PDCD6IP: variants seen among roughly 807,000 people sequenced by gnomAD.
The protein encoded by PDCD6IP is programmed cell death 6-interacting protein.
In PDCD6IP, 43 loss-of-function variants were observed where a neutral mutation model predicts 103.7. The observed-to-expected ratio is 0.41, with a 90% CI of 0.32 to 0.53. The LOEUF (loss-of-function observed/expected upper bound fraction) is 0.53, where lower values mean the gene tolerates loss of function less well. Among genes scored for constraint, PDCD6IP ranks in the 20% least tolerant of loss-of-function variants. The probability of loss-of-function intolerance (pLI) is 0.16; values close to 1 mark genes in which losing one functional copy is unlikely to be tolerated. For missense variants in PDCD6IP, 871 were observed against 1,036.7 expected, an observed-to-expected ratio of 0.84 and a Z score of 2.20; for synonymous variants, 354 against 378.7, an observed-to-expected ratio of 0.93 and a Z score of 0.76.
rs1698093688 is a variant in PDCD6IP at position 33,867,606 on chromosome 3, A to T, written c.*1081A>T. ...AAAACAATGGTTGGGAACATATGCC[A>T]ATTATGGAATAGGCTATGTATTTAA... is the stretch of plus-strand genomic sequence containing the variant. On this transcript the variant is annotated 3_prime_UTR_variant, in exon 18 of 18. Coordinates refer to ENST00000307296, the MANE Select transcript of PDCD6IP (RefSeq NM_013374.6). 6.6e-6 allele frequency: 1 copy of T among 152,208 alleles called. No individual in the cohort carries two copies. The highest frequency in any genetic ancestry group is 2.1e-4 in the South Asian group (1 of 4,832). The allele number at this position is 152,208 out of a possible 1,614,324, so 9.4% of individuals were successfully genotyped here. A position where few individuals can be genotyped will look rare whatever the true frequency, so the allele number is the denominator to read the frequency against.
At chr3:33,801,540 C>G (rs1278833558) in intron 1 of PDCD6IP, among the ~76,000 whole-genome samples, 1 of 152,114 alleles carries the variant, frequency 6.6e-6, no homozygotes, top group East Asian at 1.9e-4. Context: ...GTAGCATGCA[C>G]TCATAATTCC....
chr3:33,830,869 C>G (rs941604689), intron 7 of PDCD6IP, among the ~76,000 whole-genome samples: 1 of 152,120 alleles, frequency 6.6e-6, no homozygotes, highest in Non-Finnish European at 1.5e-5. Flanking sequence ...TGTAGTTTCT[C>G]ACTTAGTAGA....
chr3:33,832,032 A>G (rs1697255138), intron 7 of PDCD6IP, among the ~76,000 whole-genome samples: 1 of 152,200 alleles, frequency 6.6e-6, no homozygotes, highest in African/African-American at 2.4e-5. Flanking sequence ...ACAGTAAAAA[A>G]TCACGTACAC....
In PDCD6IP at chr3:33,847,669, T is replaced by C. The variant is rs575150958; in HGVS notation, c.1641+2081T>C. The stretch of plus-strand genomic sequence containing the variant: ...TTTTATTGTGAAGAAGCCTACTGTC[T>C]GGTTACTTATTTTCAGTCTCTTTGG... On this transcript the variant is annotated intron_variant, in intron 12 of 17. Coordinates refer to ENST00000307296, the MANE Select transcript of PDCD6IP (RefSeq NM_013374.6). Among the ~76,000 whole-genome samples the C allele has an allele frequency of 5.9e-5, 9 of 152,362 alleles. No individual in the cohort carries two copies. In the South Asian group the frequency reaches 1.4e-3, roughly 25 times the overall value.
At chr3:33,803,056 T>A (rs2125540361) in intron 1 of PDCD6IP, among the ~76,000 whole-genome samples, 1 of 152,366 alleles carries the variant, frequency 6.6e-6, no homozygotes, top group East Asian at 1.9e-4. Context: ...TAAATTTTGT[T>A]GAAACCTCTT....
At chr3:33,812,175 C>T (rs763898844) in intron 2 of PDCD6IP, 49 bp downstream of exon 2, 1 of 1,564,386 alleles carries the variant, frequency 6.4e-7, no homozygotes, top group Non-Finnish European at 8.6e-7. Context: ...GCACCCATTT[C>T]CTTCTGCCAA....
chr3:33,827,919 A>G (rs1449066468), intron 6 of PDCD6IP: 1 of 152,216 alleles, frequency 6.6e-6, no homozygotes, highest in African/African-American at 2.4e-5. Context: ...TGATCCAGGA[A>G]GGTAGGAAAT....
At chr3:33,815,997 CT>C (rs1696841111) in intron 3 of PDCD6IP, among the ~76,000 whole-genome samples, 1 of 152,114 alleles carries the variant, frequency 6.6e-6, no homozygotes, top group Non-Finnish European at 1.5e-5. Context: ...TGAGAAAAAG[CT>C]TTCATATCTT....
chr3:33,839,236 C>T (rs779123616), intron 9 of PDCD6IP, among the ~76,000 whole-genome samples: 2 of 152,204 alleles, frequency 1.3e-5, no homozygotes, highest in African/African-American at 4.8e-5. Context: ...AGCCCCTGGC[C>T]GCTATTGATC....
chr3:33,841,359 T>C (rs1046242264), intron 9 of PDCD6IP, among the ~76,000 whole-genome samples: 2 of 151,660 alleles, frequency 1.3e-5, no homozygotes, highest in Non-Finnish European at 2.9e-5. Flanking sequence ...AATTGTGGGC[T>C]TCATTTTTTA....
At chr3:33,863,259 A>G (rs1420297597) in intron 15 of PDCD6IP, among the ~76,000 whole-genome samples, 3 of 152,186 alleles carry the variant, frequency 2.0e-5, no homozygotes, top group Non-Finnish European at 4.4e-5. Flanking sequence ...TTCATCTCAA[A>G]CGTTTATCAT....
intron 9 of PDCD6IP, among the ~76,000 whole-genome samples, chr3:33,841,273 C>A (rs1697463634): frequency 6.6e-6 from 1 of 151,764 alleles, no homozygotes; most frequent in Non-Finnish European, 1.5e-5. Flanking sequence ...GGTGATCCAC[C>A]CGTCTGGGCC....
intron 1 of PDCD6IP, among the ~76,000 whole-genome samples, chr3:33,801,964 A>G (rs139999715): frequency 8.5e-5 from 13 of 152,254 alleles, no homozygotes; most frequent in East Asian, 1.9e-4. Flanking sequence ...AGGTACATCT[A>G]TTTTTAGTAT....
At chr3:33,852,925 CTT>C (rs200568485) in intron 13 of PDCD6IP, among the ~76,000 whole-genome samples, 189 bp downstream of exon 13, 12 of 119,616 alleles carry the variant, frequency 1.0e-4, no homozygotes, top group Admixed American at 1.7e-4. Flanking sequence ...AAAGTCACTT[CTT>C]TTTTTTTTTT....
chr3:33,809,892 A>T (rs569642016), intron 1 of PDCD6IP, among the ~76,000 whole-genome samples: 1 of 152,310 alleles, frequency 6.6e-6, no homozygotes, highest in Admixed American at 6.5e-5. Context: ...GCATTTTTGC[A>T]TAGGAGTACC....
At chr3:33,802,504 T>C (rs1354142891) in intron 1 of PDCD6IP, among the ~76,000 whole-genome samples, 1 of 152,022 alleles carries the variant, frequency 6.6e-6, no homozygotes, top group South Asian at 2.1e-4. Context: ...TTTTTTTTTT[T>C]TTGAGGTGGA....
At chr3:33,803,375 C>T (rs967995738) in intron 1 of PDCD6IP, among the ~76,000 whole-genome samples, 2 of 152,158 alleles carry the variant, frequency 1.3e-5, no homozygotes, top group Admixed American at 1.3e-4. Context: ...CTTTAGTTTG[C>T]ATTCCTCTTA....
rs1698043548 is a variant in PDCD6IP, at chr3:33,865,423, T to C, written c.2425T>C (p.Tyr809His). 1 of 1,586,198 alleles carries C rather than the reference T, an allele frequency of 6.3e-7. No homozygotes were observed. Among genetic ancestry groups the C allele is most frequent in the Non-Finnish European group, 8.6e-7 (1 of 1,168,640 alleles). The change falls in exon 17 of 18, where the codon TAT becomes CAT. Residue 809 changes from tyrosine to histidine, a missense_variant. Coordinates refer to ENST00000307296, the MANE Select transcript of PDCD6IP (RefSeq NM_013374.6). ...QGPPYPTYPG[Y>H]PGYCQMPMPM... ...ACCACCCTATCCCACCTATCCAGGA[T>C]ATCCTGGGTAAGGCTGCAACATTGT...
intron 1 of PDCD6IP, among the ~76,000 whole-genome samples, chr3:33,806,180 G>A (rs996742680): frequency 3.3e-5 from 5 of 152,188 alleles, no homozygotes; most frequent in African/African-American, 1.2e-4. Flanking sequence ...AAGTGGTTGA[G>A]TTTTATAAAA....
Sources: allele counts gnomAD v4.1 joint callset (sites outside exome capture counted in the v4.1 genomes callset), GRCh38; gene constraint gnomAD v4.1.1; transcripts MANE v1.5; gene names NCBI Gene and HGNC (gene_info 2026-07-23, HGNC 2026-07-21).